The following LCMT1 variants were observed in gnomAD, a reference collection of about 807,000 sequenced individuals.
LCMT1 encodes leucine carboxyl methyltransferase 1.
LCMT1 carries 32 observed loss-of-function variants against 47.7 expected under a neutral mutation model. The ratio of observed to expected loss-of-function variants is 0.67; its 90% CI spans 0.51 to 0.90. The LOEUF (loss-of-function observed/expected upper bound fraction) is 0.90, where lower values mean the gene tolerates loss of function less well. Among genes scored for constraint, LCMT1 ranks in the 40% least tolerant of loss-of-function variants. The pLI is 0.00. For synonymous variants in LCMT1, 152 were observed against 149.7 expected, an observed-to-expected ratio of 1.02 and a Z score of -0.11; for missense variants, 375 against 415.2, an observed-to-expected ratio of 0.90 and a Z score of 0.84.
chr16:25,121,536 A>G (rs931213341), intron 1 of LCMT1, among the ~76,000 whole-genome samples: 2 of 152,140 alleles, frequency 1.3e-5, no homozygotes, highest in Admixed American at 6.5e-5. Flanking sequence ...TCATACTGCT[A>G]TGAAGAAATA....
At chr16:25,139,770 G>A (rs1351212868) in intron 3 of LCMT1, among the ~76,000 whole-genome samples, 2 of 151,958 alleles carry the variant, frequency 1.3e-5, no homozygotes, top group South Asian at 2.1e-4. Context: ...GGCCTCAAAC[G>A]ATCCTCCTGC....
At chr16:25,171,061 C>A (rs1961751610) in intron 9 of LCMT1, among the ~76,000 whole-genome samples, 1 of 151,940 alleles carries the variant, frequency 6.6e-6, no homozygotes, top group Admixed American at 6.6e-5. Flanking sequence ...CATGGTGAAA[C>A]CTTGTCTCTA....
At chr16:25,156,817 GTCT>G (rs1961270238) in intron 5 of LCMT1, among the ~76,000 whole-genome samples, 1 of 152,066 alleles carries the variant, frequency 6.6e-6, no homozygotes, top group African/African-American at 2.4e-5. Context: ...CAGGGACCAT[GTCT>G]TCTTGTTCAT....
At chr16:25,131,478 A>C (rs1175452175) in intron 2 of LCMT1, among the ~76,000 whole-genome samples, 1 of 152,254 alleles carries the variant, frequency 6.6e-6, no homozygotes, top group African/African-American at 2.4e-5. Context: ...GATCTAGAAA[A>C]ATAAAATGAA....
chr16:25,170,793 C>G lies in LCMT1; in HGVS notation c.872C>G (p.Ala291Gly), dbSNP rs370610552. Residue 291 changes from alanine to glycine, a missense_variant, in exon 9 of 11, where the codon GCT becomes GGT. Transcript: ENST00000399069. ...GAGTTGTACAACAGGTTACCTCGAG[C>G]TGAAGTGAGCAGGTATGGGGTTGGT... ...MMELYNRLPR[A>G]EVSRIESLEF... 10 of 1,610,806 alleles carry G rather than the reference C, an allele frequency of 6.2e-6. No individual in the cohort carries two copies. The highest frequency in any genetic ancestry group is 7.6e-6 in the Non-Finnish European group (9 of 1,177,744).
chr16:25,152,107 A>G (rs1206825656), intron 5 of LCMT1, among the ~76,000 whole-genome samples: 1 of 152,168 alleles, frequency 6.6e-6, no homozygotes, highest in Non-Finnish European at 1.5e-5. Flanking sequence ...AGAGGACACA[A>G]AAACCCACAT....
At chr16:25,174,276 A>T (rs1051265453) in intron 9 of LCMT1, among the ~76,000 whole-genome samples, 11 of 152,196 alleles carry the variant, frequency 7.2e-5, no homozygotes, top group African/African-American at 2.7e-4. Context: ...CATGCATATA[A>T]TTTTTTACAA....
chr16:25,171,448 C>CA (rs1365331837), intron 9 of LCMT1, among the ~76,000 whole-genome samples: 1 of 151,838 alleles, frequency 6.6e-6, no homozygotes, highest in Non-Finnish European at 1.5e-5. Flanking sequence ...AAAAAAACCC[C>CA]AAAAAACAAG....
intron 1 of LCMT1, among the ~76,000 whole-genome samples, chr16:25,119,611 A>G (rs1451804127): frequency 6.6e-6 from 1 of 152,140 alleles, no homozygotes; most frequent in Non-Finnish European, 1.5e-5. Context: ...ATAGAACTTA[A>G]TCTCATTTTC....
intron 1 of LCMT1, among the ~76,000 whole-genome samples, chr16:25,116,062 TAAAC>T (rs1959774111): frequency 6.6e-6 from 1 of 152,328 alleles, no homozygotes. Context: ...CACCTGTAGT[TAAAC>T]AAGCTGGGTT....
chr16:25,173,614 T>A, intron 9 of LCMT1, among the ~76,000 whole-genome samples: 1 of 152,222 alleles, frequency 6.6e-6, no homozygotes, highest in East Asian at 1.9e-4. Context: ...ATAGTAGGAA[T>A]ATGGATCCTG....
At position 25,140,247 on chromosome 16, in the gene LCMT1, A is replaced by G; in HGVS notation, c.404A>G (p.Lys135Arg). Reference protein sequence around the residue: ...MIVTRKLHSIKCKPPLSSPIL... With the variant: ...MIVTRKLHSIRCKPPLSSPIL... ...GTCACGAGAAAGCTGCACAGTATCA[A>G]GTAAGTGTGGCATGGCCAGAAGAAC... The change falls in exon 4 of 11, where the codon AAA (lysine) becomes AGA (arginine). Residue 135 changes from lysine (K) to arginine (R), a missense_variant and splice_region_variant. By Grantham distance (26) the Lys-to-Arg change is conservative (BLOSUM62 2). Transcript: ENST00000399069. 1 of 1,592,602 alleles carries G rather than the reference A, an allele frequency of 6.3e-7. No individual in the cohort carries two copies. Among genetic ancestry groups the G allele is most frequent in the Non-Finnish European group, 8.6e-7 (1 of 1,167,970 alleles).
At chr16:25,149,269 ATTG>A (rs1477335953) in intron 4 of LCMT1, among the ~76,000 whole-genome samples, 1 of 152,114 alleles carries the variant, frequency 6.6e-6, no homozygotes, top group South Asian at 2.1e-4. Context: ...CTCATCAGCT[ATTG>A]TTAGTGTATT....
rs1567306835 is a variant in LCMT1 at position 25,120,746 on chromosome 16, TTTTTTG to T, written c.114-7723_114-7718del. 5.0e-5 allele frequency among the ~76,000 whole-genome samples: 7 copies of T among 140,456 alleles called. 1 individual carries two copies. The highest frequency in any genetic ancestry group is 2.0e-4 in the African/African-American group (7 of 34,354). 92.1% of individuals were successfully genotyped at this position (140,456 alleles called of 152,430 possible). A position where few individuals can be genotyped will look rare whatever the true frequency, so the allele number is the denominator to read the frequency against. Reference sequence around the variant, plus strand: ...ACCTGGCCTTGTTTTTTTGTTTTTTTTTTTTGTTTTTTTTTTTTTGAGATGAGGTCT... The same window carrying T: ...ACCTGGCCTTGTTTTTTTGTTTTTTTTTTTTTTTTTTTTGAGATGAGGTCT... On this transcript the variant is annotated intron_variant, in intron 1 of 10. Coordinates refer to ENST00000399069, the MANE Select transcript of LCMT1 (RefSeq NM_016309.3).
At chr16:25,152,914 T>G (rs1961124979) in intron 5 of LCMT1, among the ~76,000 whole-genome samples, 1 of 152,232 alleles carries the variant, frequency 6.6e-6, no homozygotes, top group Admixed American at 6.5e-5. Flanking sequence ...TACCACAGTC[T>G]TCCTTTGTTT....
At chr16:25,113,427 A>G (rs1354130491) in intron 1 of LCMT1, among the ~76,000 whole-genome samples, 3 of 152,234 alleles carry the variant, frequency 2.0e-5, no homozygotes, top group Non-Finnish European at 4.4e-5. Flanking sequence ...AAGTCGGGGA[A>G]ATTACTAAAC....
At chr16:25,170,410 G>A (rs1961720579) in intron 8 of LCMT1, among the ~76,000 whole-genome samples, 1 of 152,172 alleles carries the variant, frequency 6.6e-6, no homozygotes, top group African/African-American at 2.4e-5. Context: ...AAAAAAAGGT[G>A]TTAGGGTCTA....
At chr16:25,114,586 A>G (rs970721742) in intron 1 of LCMT1, among the ~76,000 whole-genome samples, 2 of 151,742 alleles carry the variant, frequency 1.3e-5, no homozygotes, top group African/African-American at 4.9e-5. Flanking sequence ...TCTTTTGTTT[A>G]CCTGTGACCC....
At chr16:25,148,007 CTG>C (rs1015364679) in intron 4 of LCMT1, 2 of 152,218 alleles carry the variant, frequency 1.3e-5, no homozygotes, top group African/African-American at 4.8e-5. Context: ...TTGCCCATGA[CTG>C]TAGCCCCTGT....
Sources: allele counts gnomAD v4.1 joint callset (sites outside exome capture counted in the v4.1 genomes callset), GRCh38; gene constraint gnomAD v4.1.1; transcripts MANE v1.5; gene names NCBI Gene and HGNC (gene_info 2026-07-23, HGNC 2026-07-21).